DELE1: variants seen among roughly 807,000 people sequenced by gnomAD.
DELE1 encodes DAP3 binding cell death enhancer 1, also known as death ligand signal enhancer.
In DELE1, 54 loss-of-function variants were observed where a neutral mutation model predicts 59.3. That is an observed-to-expected ratio of 0.91 (90% CI 0.73 to 1.14). DELE1 has a LOEUF of 1.14. Among genes scored for constraint, DELE1 ranks in the 50% most tolerant of loss-of-function variants. The pLI is 0.00. For missense variants in DELE1, 636 were observed against 643.9 expected (o/e 0.99, Z 0.13); for synonymous variants, 264 against 259.1 (o/e 1.02, Z -0.18).
chr5:141,929,049 A>T (rs1160960415), intron 4 of DELE1, among the ~76,000 whole-genome samples: 1 of 152,158 alleles, frequency 6.6e-6, no homozygotes, highest in Non-Finnish European at 1.5e-5. Flanking sequence ...TAGGCAGAGG[A>T]GTGATTGATG....
chr5:141,926,447 A>G (rs1208878113), intron 3 of DELE1, among the ~76,000 whole-genome samples: 1 of 152,176 alleles, frequency 6.6e-6, no homozygotes, highest in Admixed American at 6.5e-5. Flanking sequence ...CCTGATCTAT[A>G]AGGTCAGATT....
intron 3 of DELE1, among the ~76,000 whole-genome samples, chr5:141,926,984 G>A (rs1751474270): frequency 2.0e-5 from 3 of 152,178 alleles, no homozygotes; most frequent in Admixed American, 6.5e-5. Flanking sequence ...TAGCCCACAC[G>A]TCACCCCCAC....
chr5:141,929,546 G>T, intron 4 of DELE1, 36 bp from the exon 5 acceptor site: 1 of 1,604,982 alleles, frequency 6.2e-7, no homozygotes, highest in Non-Finnish European at 8.5e-7. Context: ...CATCGCGCCT[G>T]GCCCAGACCT....
intron 7 of DELE1, 136 bp from the exon 8 acceptor site, chr5:141,933,109 AAAATATATATATAT>A (rs1432889512): frequency 4.6e-5 from 6 of 131,240 alleles, no homozygotes. Context: ...AAAAAAAAAA[AAAATATATATATAT>A]ATATATATAT....
chr5:141,927,418 T>C (rs1040563710), intron 3 of DELE1, among the ~76,000 whole-genome samples: 5 of 152,228 alleles, frequency 3.3e-5, no homozygotes, highest in African/African-American at 1.2e-4. Context: ...GGTCTTCAAC[T>C]CCTGGCCTCA....
In DELE1 at chr5:141,933,328, G is replaced by A; in HGVS notation, c.824G>A (p.Gly275Asp). The change falls in exon 8 of 12, where the codon GGC becomes GAC. Residue 275 changes from glycine (G) to aspartate (D), a missense_variant. Physicochemically the swap from Gly to Asp is moderately conservative, Grantham distance 94 (BLOSUM62 -1). Transcript: ENST00000432126. ...TACTTCCAGAAAGCTGCAGCCCGCG[G>A]CTACAGCAAAGCGCAGTACAATGCG... Reference protein sequence around the residue: ...FSYFQKAAARGYSKAQYNAGL... With the variant: ...FSYFQKAAARDYSKAQYNAGL... The A allele has an allele frequency of 2.5e-6, 4 of 1,569,048 alleles. No homozygotes were observed. Among genetic ancestry groups the A allele is most frequent in the Non-Finnish European group, 3.5e-6 (4 of 1,147,928 alleles).
chr5:141,925,941 A>G (rs980147365), intron 3 of DELE1, among the ~76,000 whole-genome samples: 5 of 152,126 alleles, frequency 3.3e-5, no homozygotes, highest in African/African-American at 1.2e-4. Context: ...GTGCAGCGGC[A>G]TGATCTTGGC....
chr5:141,930,036 G>C lies in DELE1; in HGVS notation c.619G>C (p.Glu207Gln), dbSNP rs746082068. 1.2e-6 allele frequency: 2 copies of C among 1,614,176 alleles called. No homozygotes were observed. The highest frequency in any genetic ancestry group is 1.7e-6 in the Non-Finnish European group (2 of 1,180,032). ...GCATGCCAGTAGTAGCATCGAGTCC[G>C]AGGCAAAACCAGCCCAGCCTCAGCC... ...FLHASSSIESEAKPAQPQPTG... is the reference protein window; with the variant it reads ...FLHASSSIESQAKPAQPQPTG... Residue 207 changes from glutamate to glutamine, a missense_variant, in exon 6 of 12, where the codon GAG becomes CAG. Coordinates refer to ENST00000432126, the MANE Select transcript of DELE1 (RefSeq NM_014773.5).
At chr5:141,926,776 A>T (rs1196291696) in intron 3 of DELE1, among the ~76,000 whole-genome samples, 1 of 152,244 alleles carries the variant, frequency 6.6e-6, no homozygotes, top group African/African-American at 2.4e-5. Context: ...GCATTTTCCC[A>T]TGTTGCCAAA....
intron 7 of DELE1, among the ~76,000 whole-genome samples, chr5:141,930,874 T>C (rs765589799): frequency 2.6e-5 from 4 of 152,150 alleles, no homozygotes; most frequent in Admixed American, 6.5e-5. Context: ...ACAGCATCTA[T>C]TGGGGTCTAG....
rs769111411 is a variant in DELE1, at chr5:141,929,637, C to A, written c.468C>A (p.Gly156=). ...ATGGCCCAGCTCCCAGGCACACTGGCCTCAGGGAACCCAGGCTTGGCCAGG... is the reference window on the plus strand; with the variant it reads ...ATGGCCCAGCTCCCAGGCACACTGGACTCAGGGAACCCAGGCTTGGCCAGG... ...SPDGPAPRHT[G]LREPRLGQEE... The change falls in exon 5 of 12, where the codon GGC becomes GGA. Residue 156 remains glycine, a synonymous_variant. Transcript: ENST00000432126. 1 of 1,614,176 alleles carries A rather than the reference C, an allele frequency of 6.2e-7. No individual in the cohort carries two copies. Among genetic ancestry groups the A allele is most frequent in the Non-Finnish European group, 8.5e-7 (1 of 1,180,024 alleles).
At position 141,940,129 on chromosome 5, in the gene DELE1, T is replaced by C. The variant is rs1234982105; in HGVS notation, c.*1370T>C. On this transcript the variant is annotated 3_prime_UTR_variant, in exon 12 of 12. Coordinates refer to ENST00000432126, the MANE Select transcript of DELE1 (RefSeq NM_014773.5). The stretch of plus-strand genomic sequence containing the variant: ...GTGCCAGAAATGTCTAGGTGTTTAA[T>C]AAAACAGATATTGGATTATCTCATC... The C allele has an allele frequency of 2.0e-6, 2 of 985,326 alleles. No individual in the cohort carries two copies. Among genetic ancestry groups the C allele is most frequent in the African/African-American group, 3.5e-5 (2 of 57,246 alleles). 61.0% of individuals were successfully genotyped at this position (985,326 alleles called of 1,614,324 possible).
In DELE1 at chr5:141,934,347, G is replaced by T. The variant is rs1009635195; in HGVS notation, c.1005G>T (p.Arg335=). Residue 335 remains arginine, a synonymous_variant, in exon 9 of 12, where the codon CGG becomes CGT. Transcript: ENST00000432126. ...CAGCCTCTTCGTGGAACCCTGAGCG[G>T]CAGAGGGCAGTGTCCTTGCTGAAGC... The part of the protein sequence containing the change: ...RDPASSWNPE[R]QRAVSLLKQA... 3 of 1,614,116 alleles carry T rather than the reference G, an allele frequency of 1.9e-6. No individual in the cohort carries two copies. The highest frequency in any genetic ancestry group is 1.7e-6 in the Non-Finnish European group (2 of 1,180,054).
chr5:141,924,346 C>T (rs188586715), intron 1 of DELE1, among the ~76,000 whole-genome samples: 2 of 152,326 alleles, frequency 1.3e-5, no homozygotes, highest in East Asian at 3.9e-4. Flanking sequence ...GTTTGGTCAT[C>T]TTAGAACAGT....
chr5:141,931,863 C>G (rs182703221), intron 7 of DELE1, among the ~76,000 whole-genome samples: 1 of 152,254 alleles, frequency 6.6e-6, no homozygotes, highest in African/African-American at 2.4e-5. Flanking sequence ...ATTTACTTGC[C>G]CATCCCTTCA....
chr5:141,930,628 C>G, intron 7 of DELE1, among the ~76,000 whole-genome samples: 1 of 152,164 alleles, frequency 6.6e-6, no homozygotes, highest in East Asian at 1.9e-4. Flanking sequence ...CACACCTCGC[C>G]ACAGAGGAGA....
At position 141,939,056 on chromosome 5, in the gene DELE1, C is replaced by G. The variant is rs1014305663; in HGVS notation, c.*297C>G. 1 of 1,149,286 alleles carries G rather than the reference C, an allele frequency of 8.7e-7. No homozygotes were observed. The highest frequency in any genetic ancestry group is 1.6e-5 in the African/African-American group (1 of 62,626). 71.2% of individuals were successfully genotyped at this position (1,149,286 alleles called of 1,614,324 possible). A position where few individuals can be genotyped will look rare whatever the true frequency, so the allele number is the denominator to read the frequency against. On this transcript the variant is annotated 3_prime_UTR_variant, in exon 12 of 12. Transcript: ENST00000432126. ...CCAGAGACCCTGGTGCTCACCTTAG[C>G]CTTTGTCTTTGAGCAAATAACTTAC...
intron 11 of DELE1, among the ~76,000 whole-genome samples, chr5:141,938,027 T>C (rs1752509240): frequency 1.3e-5 from 2 of 151,894 alleles, no homozygotes; most frequent in East Asian, 2.0e-4. Flanking sequence ...GGTTTCACCA[T>C]GTTGGCCAGG....
At position 141,941,986 on chromosome 5, in the gene DELE1, C is replaced by CAT. The variant is rs558979865; in HGVS notation, c.*3227_*3228insAT. The CAT allele has an allele frequency of 1.0e-6, 1 of 985,266 alleles. No homozygotes were observed. Among genetic ancestry groups the CAT allele is most frequent in the African/African-American group, 1.7e-5 (1 of 57,196 alleles). The allele number at this position is 985,266 out of a possible 1,614,324, so 61.0% of individuals were successfully genotyped here. ...ACGCACACACGCACACACACACACA[C>CAT]GGTTTCCTGTGCTACTTCTGGCACT... On this transcript the variant is annotated 3_prime_UTR_variant, in exon 12 of 12. Coordinates refer to ENST00000432126, the MANE Select transcript of DELE1 (RefSeq NM_014773.5).
Sources: allele counts gnomAD v4.1 joint callset (sites outside exome capture counted in the v4.1 genomes callset), GRCh38; gene constraint gnomAD v4.1.1; transcripts MANE v1.5; gene names NCBI Gene and HGNC (gene_info 2026-07-23, HGNC 2026-07-21).